The following MRAP2 variants were observed in gnomAD, a reference collection of about 807,000 sequenced individuals.
The protein encoded by MRAP2 is melanocortin 2 receptor accessory protein 2.
A neutral mutation model predicts 17.4 loss-of-function variants in MRAP2; 20 were observed. The observed-to-expected ratio is 1.15, with a 90% CI of 0.81 to 1.67. The LOEUF is 1.67. Among genes scored for constraint, MRAP2 ranks in the 40% most tolerant of loss-of-function variants. The pLI is 0.00. For synonymous variants in MRAP2, 96 were observed against 88.4 expected, an observed-to-expected ratio of 1.09 and a Z score of -0.48; for missense variants, 238 against 240.0, an observed-to-expected ratio of 0.99 and a Z score of 0.05.
At chr6:84,099,181 CTT>C in the MRAP2 span, among the ~76,000 whole-genome samples, 29 of 117,336 alleles carry the variant, frequency 2.5e-4, no homozygotes, top group Admixed American at 2.5e-4. Context: ...AGATCCTTTT[CTT>C]TTTTTTTTTT....
intron 1 of MRAP2, among the ~76,000 whole-genome samples, chr6:84,042,775 A>G (rs1032909617): frequency 7.9e-5 from 12 of 152,232 alleles, no homozygotes; most frequent in Non-Finnish European, 1.3e-4. Flanking sequence ...AGAAACCACA[A>G]GAGCCACACA....
chr6:84,065,946 C>G (rs544215880), intron 3 of MRAP2, among the ~76,000 whole-genome samples: 1 of 152,116 alleles, frequency 6.6e-6, no homozygotes, highest in Admixed American at 6.5e-5. Context: ...ATATTTGGGA[C>G]TTGCTGGTCC....
At chr6:84,142,742 T>A in the MRAP2 span, among the ~76,000 whole-genome samples, 1 of 152,134 alleles carries the variant, frequency 6.6e-6, no homozygotes, top group East Asian at 1.9e-4. Flanking sequence ...ACATTTAAAA[T>A]TAAAGACCTA....
At chr6:84,130,430 T>A in the MRAP2 span, among the ~76,000 whole-genome samples, 1 of 152,204 alleles carries the variant, frequency 6.6e-6, no homozygotes, top group Non-Finnish European at 1.5e-5. Flanking sequence ...TCAGAAGGAT[T>A]GGTACCAGCT....
intron 3 of MRAP2, among the ~76,000 whole-genome samples, chr6:84,078,330 A>G (rs2099498122): frequency 6.6e-6 from 1 of 152,244 alleles, no homozygotes. Context: ...AGACTCCTAC[A>G]GATGCTTCAC....
the MRAP2 span, among the ~76,000 whole-genome samples, chr6:84,105,067 G>C: frequency 6.6e-6 from 1 of 152,120 alleles, no homozygotes; most frequent in African/African-American, 2.4e-5. Context: ...ATCATTATCA[G>C]AATTTTGATC....
At chr6:84,117,251 G>A in the MRAP2 span, among the ~76,000 whole-genome samples, 2 of 152,164 alleles carry the variant, frequency 1.3e-5, no homozygotes, top group South Asian at 4.1e-4. Context: ...TTGAACTCCT[G>A]AGCACATGTG....
At chr6:84,086,110 G>A (rs1292772676) in intron 3 of MRAP2, among the ~76,000 whole-genome samples, 2 of 152,154 alleles carry the variant, frequency 1.3e-5, no homozygotes, top group Admixed American at 6.5e-5. Context: ...ATACTGAGAG[G>A]TTCTCTAAAA....
intron 3 of MRAP2, among the ~76,000 whole-genome samples, chr6:84,075,887 A>G (rs1187485994): frequency 6.6e-6 from 1 of 152,190 alleles, no homozygotes; most frequent in Non-Finnish European, 1.5e-5. Context: ...CAACAGGGAA[A>G]TGTCATTGTT....
chr6:84,076,062 TA>T (rs1409427108), intron 3 of MRAP2, among the ~76,000 whole-genome samples: 2 of 151,510 alleles, frequency 1.3e-5, no homozygotes, highest in African/African-American at 2.4e-5. Flanking sequence ...GTTCAGGAGT[TA>T]TTTTTTTTTT....
At chr6:84,099,751 C>CTG in the MRAP2 span, among the ~76,000 whole-genome samples, 1 of 152,196 alleles carries the variant, frequency 6.6e-6, no homozygotes, top group Non-Finnish European at 1.5e-5. Flanking sequence ...AATAACTTAA[C>CTG]TGTGAGCCAA....
chr6:84,115,845 C>T, the MRAP2 span, among the ~76,000 whole-genome samples: 1 of 152,078 alleles, frequency 6.6e-6, no homozygotes, highest in African/African-American at 2.4e-5. Context: ...ATTCCCTGAC[C>T]CTTTGTGCTT....
At chr6:84,100,467 A>G in the MRAP2 span, among the ~76,000 whole-genome samples, 1 of 151,982 alleles carries the variant, frequency 6.6e-6, no homozygotes, top group East Asian at 1.9e-4. Flanking sequence ...GCATTTCGCC[A>G]TGTTGTCCAG....
intron 3 of MRAP2, among the ~76,000 whole-genome samples, chr6:84,076,818 A>G (rs952855399): frequency 3.3e-5 from 5 of 152,188 alleles, no homozygotes; most frequent in African/African-American, 9.7e-5. Flanking sequence ...CATTTGTAAA[A>G]TCTCATCAAA....
At chr6:84,088,394 C>T (rs759033694) in intron 3 of MRAP2, among the ~76,000 whole-genome samples, 4 of 152,102 alleles carry the variant, frequency 2.6e-5, no homozygotes, top group African/African-American at 7.2e-5. Flanking sequence ...ATTTGTTCCA[C>T]GTTAAAGGAA....
chr6:84,082,382 C>T (rs781670101), intron 3 of MRAP2, among the ~76,000 whole-genome samples: 6 of 152,124 alleles, frequency 3.9e-5, no homozygotes, highest in Non-Finnish European at 7.3e-5. Flanking sequence ...AGATAATTCC[C>T]ATCTAATTAT....
intron 1 of MRAP2, among the ~76,000 whole-genome samples, chr6:84,037,131 A>C (rs1440948317): frequency 6.6e-6 from 1 of 151,514 alleles, no homozygotes; most frequent in East Asian, 1.9e-4. Context: ...GACACAGAGC[A>C]CTGATTGTTG....
chr6:84,136,362 T>C, the MRAP2 span, among the ~76,000 whole-genome samples: 1 of 152,184 alleles, frequency 6.6e-6, no homozygotes, highest in Non-Finnish European at 1.5e-5. Flanking sequence ...TTTGCTGCAT[T>C]AACCCATGAC....
At chr6:84,038,159 C>A (rs1481178559) in intron 1 of MRAP2, among the ~76,000 whole-genome samples, 1 of 152,208 alleles carries the variant, frequency 6.6e-6, no homozygotes, top group East Asian at 1.9e-4. Flanking sequence ...GAAGGGCTGG[C>A]CTAAGGGCGA....
Sources: gnomAD v4.1 joint callset for allele counts (sites outside exome capture counted in the v4.1 genomes callset) on GRCh38, gnomAD v4.1.1 for gene constraint, MANE v1.5 for transcripts, NCBI Gene and HGNC (gene_info 2026-07-23, HGNC 2026-07-21) for gene names.